The following EYS variants were observed in gnomAD, a reference collection of about 807,000 sequenced individuals.
EYS encodes protein eyes shut homolog.
EYS carries 250 observed loss-of-function variants against 282.1 expected under a neutral mutation model. The ratio of observed to expected loss-of-function variants is 0.89; its 90% CI spans 0.80 to 0.98. The LOEUF is 0.98. EYS is among the 50% of genes least tolerant of loss of function. The pLI, the probability that EYS is intolerant of heterozygous loss-of-function variation, is 0.00. For missense variants in EYS, 4,016 were observed against 3,709.0 expected, an observed-to-expected ratio of 1.08 and a Z score of -2.15; for synonymous variants, 1,355 against 1,282.9, an observed-to-expected ratio of 1.06 and a Z score of -1.20.
intron 12 of EYS, among the ~76,000 whole-genome samples, chr6:65,171,115 G>A: frequency 6.6e-6 from 1 of 151,444 alleles, no homozygotes; most frequent in Non-Finnish European, 1.5e-5. Flanking sequence ...CTAATTATCT[G>A]TTACTTGAAT....
rs1457389286 is a variant in EYS, at chr6:65,594,829, C to G, written c.-333+44949G>C. On this transcript the variant is annotated intron_variant, in intron 2 of 42. Coordinates refer to ENST00000503581, the MANE Select transcript of EYS (RefSeq NM_001142800.2). The stretch of plus-strand genomic sequence containing the variant: ...ATTTAAGTCTTTAATCCATCTTGAA[C>G]TAATTTTTGTATAAGGTGTAAGGAA... Among the ~76,000 whole-genome samples, 13 of 151,946 alleles carry G rather than the reference C, an allele frequency of 8.6e-5. No individual in the cohort carries two copies. In the East Asian group the frequency reaches 2.3e-3, roughly 27 times the overall value.
chr6:64,445,601 A>G (rs1345775350), intron 26 of EYS, among the ~76,000 whole-genome samples: 2 of 152,182 alleles, frequency 1.3e-5, no homozygotes, highest in Non-Finnish European at 2.9e-5. Flanking sequence ...ATGTTTATGG[A>G]AAAGCTTAAC....
At chr6:65,226,121 T>C (rs1032567629) in intron 12 of EYS, among the ~76,000 whole-genome samples, 4 of 152,026 alleles carry the variant, frequency 2.6e-5, no homozygotes, top group Non-Finnish European at 5.9e-5. Context: ...AGGAAATTCT[T>C]AAGAATAGTA....
rs114316069 is a variant in EYS, at chr6:64,869,131, C to G, written c.2992+17566G>C. Among the ~76,000 whole-genome samples the G allele has an allele frequency of 8.9e-3, 1,353 of 151,540 alleles. 31 individuals are homozygous for G. The highest frequency in any genetic ancestry group is 0.031 in the African/African-American group (1,289 of 41,502). On this transcript the variant is annotated intron_variant, in intron 19 of 42. Coordinates refer to ENST00000503581, the MANE Select transcript of EYS (RefSeq NM_001142800.2). ...TTTATATTTTATATGAAAGGATTCT[C>G]TTATCTACTTATCACTCAGATACAT...
chr6:64,056,846 C>A (rs1233170479), intron 33 of EYS, among the ~76,000 whole-genome samples: 1 of 152,132 alleles, frequency 6.6e-6, no homozygotes, highest in Non-Finnish European at 1.5e-5. Context: ...CATCATGAGG[C>A]ACAGTAAATT....
intron 21 of EYS, among the ~76,000 whole-genome samples, chr6:64,818,380 A>G (rs1764802353): frequency 6.6e-6 from 1 of 152,150 alleles, no homozygotes; most frequent in Admixed American, 6.6e-5. Context: ...AACAAAGTGT[A>G]TTAGGTTTCT....
At chr6:65,299,973 A>T (rs1031813604) in intron 11 of EYS, among the ~76,000 whole-genome samples, 1 of 152,178 alleles carries the variant, frequency 6.6e-6, no homozygotes, top group African/African-American at 2.4e-5. Context: ...ATTAACATTC[A>T]TTTTATATAA....
intron 2 of EYS, among the ~76,000 whole-genome samples, chr6:65,613,972 AAAC>A (rs1158107761): frequency 2.6e-5 from 4 of 152,078 alleles, no homozygotes; most frequent in Non-Finnish European, 5.9e-5. Flanking sequence ...TACTTTTCTT[AAAC>A]AACTGAAAAA....
intron 33 of EYS, among the ~76,000 whole-genome samples, chr6:64,000,168 C>A (rs1399960011): frequency 9.4e-5 from 4 of 42,716 alleles, no homozygotes. Context: ...AGACATGGGA[C>A]TTTTTTTTTT....
chr6:65,688,673 AC>A (rs1261083491), intron 1 of EYS, among the ~76,000 whole-genome samples: 1 of 152,244 alleles, frequency 6.6e-6, no homozygotes, highest in Non-Finnish European at 1.5e-5. Flanking sequence ...AAACAAATTT[AC>A]AAGAAAAAAA....
intron 41 of EYS, among the ~76,000 whole-genome samples, chr6:63,753,970 C>A (rs1769412451): frequency 6.6e-6 from 1 of 152,030 alleles, no homozygotes; most frequent in Non-Finnish European, 1.5e-5. Flanking sequence ...CTAATTAATT[C>A]TATCACTTTC....
chr6:64,437,152 T>C (rs979006876), intron 27 of EYS, among the ~76,000 whole-genome samples: 8 of 151,780 alleles, frequency 5.3e-5, no homozygotes, highest in Admixed American at 5.3e-4. Context: ...TTATTTATTG[T>C]CAGTTGACTT....
chr6:65,583,604 C>CT (rs762953257), intron 2 of EYS, among the ~76,000 whole-genome samples: 1 of 152,048 alleles, frequency 6.6e-6, no homozygotes, highest in East Asian at 1.9e-4. Flanking sequence ...AATATCTTCA[C>CT]TTTTTAAAGT....
intron 35 of EYS, among the ~76,000 whole-genome samples, chr6:63,957,097 T>G (rs1370472821): frequency 6.6e-6 from 1 of 152,192 alleles, no homozygotes; most frequent in Non-Finnish European, 1.5e-5. Flanking sequence ...GCCAATAGCA[T>G]TATAACTCAT....
intron 12 of EYS, among the ~76,000 whole-genome samples, chr6:65,267,548 A>G (rs1767791241): frequency 6.6e-6 from 1 of 152,008 alleles, no homozygotes; most frequent in Non-Finnish European, 1.5e-5. Context: ...ATGAAGCACA[A>G]TAACATATGT....
chr6:64,232,642 C>T (rs62413880), intron 30 of EYS, among the ~76,000 whole-genome samples: 6 of 151,962 alleles, frequency 3.9e-5, no homozygotes, highest in South Asian at 4.2e-4. Context: ...CCACCAGCCT[C>T]GGCCCCCCCA....
chr6:64,087,453 A>G (rs1772193330), intron 31 of EYS, among the ~76,000 whole-genome samples: 1 of 152,090 alleles, frequency 6.6e-6, no homozygotes, highest in South Asian at 2.1e-4. Context: ...TGTCACCAGG[A>G]GCATTGAAAC....
At chr6:65,543,166 T>G (rs1215007125) in intron 2 of EYS, among the ~76,000 whole-genome samples, 2 of 151,936 alleles carry the variant, frequency 1.3e-5, no homozygotes, top group African/African-American at 2.4e-5. Context: ...TTATAGGCAC[T>G]TGCCACCATG....
intron 33 of EYS, among the ~76,000 whole-genome samples, chr6:64,045,058 C>G: frequency 6.6e-6 from 1 of 152,078 alleles, no homozygotes; most frequent in Non-Finnish European, 1.5e-5. Context: ...TAAGATGGCC[C>G]TTACTCAGCC....
Sources: allele counts gnomAD v4.1 joint callset (sites outside exome capture counted in the v4.1 genomes callset), GRCh38; gene constraint gnomAD v4.1.1; transcripts MANE v1.5; gene names NCBI Gene and HGNC (gene_info 2026-07-23, HGNC 2026-07-21).